Variants in AGBL4 observed in about 807,000 individuals in gnomAD.
AGBL4 encodes AGBL carboxypeptidase 4.
AGBL4 carries 58 observed loss-of-function variants against 66.4 expected under a neutral mutation model. That is an observed-to-expected ratio of 0.87 (90% CI 0.71 to 1.09). The LOEUF (loss-of-function observed/expected upper bound fraction) is 1.09. Ranked by LOEUF, AGBL4 falls within the 50% of genes least tolerant of loss-of-function variation. The probability of loss-of-function intolerance (pLI) is 0.00; values close to 1 mark genes in which losing one functional copy is unlikely to be tolerated. For synonymous variants in AGBL4, 234 were observed against 222.9 expected (o/e 1.05, Z -0.44); for missense variants, 579 against 631.0 (o/e 0.92, Z 0.88).
At chr1:49,028,108 G>A (rs1327336418) in intron 5 of AGBL4, among the ~76,000 whole-genome samples, 1 of 152,166 alleles carries the variant, frequency 6.6e-6, no homozygotes, top group African/African-American at 2.4e-5. Context: ...AAAAACAACA[G>A]AGATCCTAGT....
chr1:48,717,894 G>A (rs764597383), intron 6 of AGBL4, among the ~76,000 whole-genome samples: 27 of 152,120 alleles, frequency 1.8e-4, no homozygotes, highest in Non-Finnish European at 3.4e-4. Context: ...GAGAAATATA[G>A]ACTATAATGC....
rs548386626 is a variant in AGBL4, at chr1:49,068,689, A to G, written c.378-22889T>C. ...TACTGTGAACAGTGCTGCAATAAAC[A>G]TATGTGTCCATGTGTCTTTATAGTA... On this transcript the variant is annotated intron_variant, in intron 4 of 13. Transcript: ENST00000371839. 1.4e-4 allele frequency among the ~76,000 whole-genome samples: 22 copies of G among 152,322 alleles called. No homozygotes were observed. The East Asian group carries it at 3.9e-3, about 27-fold the overall frequency.
At chr1:49,769,216 CCACA>C (rs111502919) in intron 2 of AGBL4, among the ~76,000 whole-genome samples, 11 of 147,840 alleles carry the variant, frequency 7.4e-5, no homozygotes, top group South Asian at 2.2e-4. Context: ...TTTGTAATAG[CCACA>C]CACACACACA....
chr1:49,289,555 T>C (rs1017900038), intron 3 of AGBL4, among the ~76,000 whole-genome samples: 2 of 152,224 alleles, frequency 1.3e-5, no homozygotes, highest in Non-Finnish European at 2.9e-5. Context: ...TGGTTACATG[T>C]CTGTGTTCAC....
chr1:49,770,286 T>C (rs892810862), intron 2 of AGBL4, among the ~76,000 whole-genome samples: 4 of 152,246 alleles, frequency 2.6e-5, no homozygotes, highest in Non-Finnish European at 4.4e-5. Flanking sequence ...AATAATGATA[T>C]GATTTTATCT....
intron 3 of AGBL4, among the ~76,000 whole-genome samples, chr1:49,647,174 T>A (rs1348051073): frequency 6.6e-6 from 1 of 151,938 alleles, no homozygotes; most frequent in African/African-American, 2.4e-5. Context: ...AATTAATAAA[T>A]GAGACATCAT....
At chr1:49,732,943 A>T (rs193069692) in intron 2 of AGBL4, among the ~76,000 whole-genome samples, 10 of 152,286 alleles carry the variant, frequency 6.6e-5, no homozygotes, top group Admixed American at 6.5e-4. Context: ...AAATAAAGAG[A>T]CATAAACCTA....
rs747353962 is a variant in AGBL4, at chr1:48,926,583, C to T, written c.595-59353G>A. ...GGATTACAGGTATGAGGCGTCACAC[C>T]GGCCAACCATGGATGATTTAAAATC... On this transcript the variant is annotated intron_variant, in intron 5 of 13. Coordinates refer to ENST00000371839, the MANE Select transcript of AGBL4 (RefSeq NM_032785.4). Among the ~76,000 whole-genome samples, 46 of 152,092 alleles carry T rather than the reference C, an allele frequency of 3.0e-4. 1 individual carries two copies. Among genetic ancestry groups the T allele is most frequent in the African/African-American group, 8.9e-4 (37 of 41,468 alleles).
chr1:49,945,340 A>AT (rs376013253), intron 1 of AGBL4, among the ~76,000 whole-genome samples: 2 of 152,240 alleles, frequency 1.3e-5, no homozygotes, highest in African/African-American at 4.8e-5. Flanking sequence ...CCTATAAAGA[A>AT]AAACCTATCA....
chr1:49,672,152 C>G (rs1646489468), intron 3 of AGBL4, among the ~76,000 whole-genome samples: 1 of 152,006 alleles, frequency 6.6e-6, no homozygotes, highest in African/African-American at 2.4e-5. Flanking sequence ...TATTATGCAG[C>G]CACAAAAAAG....
At chr1:49,434,708 CTGGTGGTGG>C (rs886754094) in intron 3 of AGBL4, among the ~76,000 whole-genome samples, 4 of 143,718 alleles carry the variant, frequency 2.8e-5, no homozygotes, top group Non-Finnish European at 6.2e-5. Context: ...GGTGGTGGTG[CTGGTGGTGG>C]TGGTGGTGGT....
At chr1:48,816,903 G>T (rs1371604156) in intron 6 of AGBL4, among the ~76,000 whole-genome samples, 4 of 152,200 alleles carry the variant, frequency 2.6e-5, no homozygotes, top group Non-Finnish European at 4.4e-5. Context: ...ACCTACATCT[G>T]TCTAGGCAAG....
At chr1:49,645,629 G>A (rs1645869560) in intron 3 of AGBL4, among the ~76,000 whole-genome samples, 1 of 151,244 alleles carries the variant, frequency 6.6e-6, no homozygotes, top group African/African-American at 2.4e-5. Flanking sequence ...AAAAAAGTTA[G>A]TATCAAATTT....
At chr1:48,878,251 C>G (rs1472937506) in intron 5 of AGBL4, among the ~76,000 whole-genome samples, 2 of 152,064 alleles carry the variant, frequency 1.3e-5, no homozygotes, top group East Asian at 3.9e-4. Flanking sequence ...AGCAATTGTA[C>G]AAAGTAGCTC....
At chr1:48,699,974 C>T (rs320036) in intron 6 of AGBL4, among the ~76,000 whole-genome samples, 145,096 of 151,908 alleles carry the variant, frequency 0.96, 69,625 homozygotes, top group East Asian at 1. Context: ...AGTCTCACTA[C>T]GTTGCTCAGG....
At chr1:49,113,348 G>C (rs1645451132) in intron 4 of AGBL4, among the ~76,000 whole-genome samples, 1 of 147,654 alleles carries the variant, frequency 6.8e-6, no homozygotes. Context: ...AGGTTCAAGG[G>C]ATTCTCATGC....
chr1:49,527,967 C>G (rs1383730463), intron 3 of AGBL4, among the ~76,000 whole-genome samples: 1 of 152,076 alleles, frequency 6.6e-6, no homozygotes, highest in African/African-American at 2.4e-5. Flanking sequence ...ACCCCCAGGT[C>G]ATAGCTGATT....
intron 6 of AGBL4, among the ~76,000 whole-genome samples, chr1:48,679,803 T>C (rs1013953993): frequency 1.3e-5 from 2 of 152,260 alleles, no homozygotes; most frequent in African/African-American, 4.8e-5. Context: ...GTAGCTACTA[T>C]GTTGCTTTTA....
chr1:49,194,665 T>A (rs1418648728), intron 4 of AGBL4, among the ~76,000 whole-genome samples: 1 of 152,194 alleles, frequency 6.6e-6, no homozygotes, highest in African/African-American at 2.4e-5. Flanking sequence ...GGCTTGATTA[T>A]AGCTCCCCAC....
Sources: gnomAD v4.1 joint callset for allele counts (sites outside exome capture counted in the v4.1 genomes callset) on GRCh38, gnomAD v4.1.1 for gene constraint, MANE v1.5 for transcripts, NCBI Gene and HGNC (gene_info 2026-07-23, HGNC 2026-07-21) for gene names.